CYTIP: variants seen among roughly 807,000 people sequenced by gnomAD.
The protein encoded by CYTIP is cytohesin 1 interacting protein, also known as cytohesin-interacting protein.
Under a neutral mutation model 43.8 loss-of-function variants are expected in CYTIP, and 26 were observed. That is an observed-to-expected ratio of 0.59 (90% CI 0.44 to 0.82). CYTIP has a LOEUF of 0.82. Among genes scored for constraint, CYTIP ranks in the 40% least tolerant of loss-of-function variants. The pLI, the probability that CYTIP is intolerant of heterozygous loss-of-function variation, is 0.00. For synonymous variants in CYTIP, 162 were observed against 162.9 expected (o/e 0.99, Z 0.04); for missense variants, 426 against 443.1 (o/e 0.96, Z 0.35).
chr2:157,426,499 T>C (rs903755816), intron 6 of CYTIP, among the ~76,000 whole-genome samples: 2 of 152,132 alleles, frequency 1.3e-5, no homozygotes, highest in African/African-American at 4.8e-5. Flanking sequence ...TAAAATCCAC[T>C]CTCTTGGGCT....
At position 157,427,310 on chromosome 2, in the gene CYTIP, C is replaced by G. The variant is rs1434703718; in HGVS notation, c.546+41G>C. ...ATCTTTATTTTACCACTCACACATTCAAGGATGAAAAATGTGCCTCACTGC... is the reference window on the plus strand; with the variant it reads ...ATCTTTATTTTACCACTCACACATTGAAGGATGAAAAATGTGCCTCACTGC... On this transcript the variant is annotated intron_variant, in intron 6 of 7. Coordinates refer to ENST00000264192, the MANE Select transcript of CYTIP (RefSeq NM_004288.5). The G allele has an allele frequency of 2.6e-6, 4 of 1,519,776 alleles. No homozygotes were observed. In the Admixed American group the frequency reaches 7.6e-5, roughly 29 times the overall value. 94.1% of individuals were successfully genotyped at this position (1,519,776 alleles called of 1,614,324 possible).
chr2:157,439,429 C>T (rs1685867752), intron 1 of CYTIP: 1 of 151,412 alleles, frequency 6.6e-6, no homozygotes, highest in Non-Finnish European at 1.5e-5. Context: ...TGAAGTGTGT[C>T]TAAGGTCTTA....
chr2:157,436,431 G>T (rs561159738), intron 1 of CYTIP, among the ~76,000 whole-genome samples: 1 of 151,860 alleles, frequency 6.6e-6, no homozygotes, highest in East Asian at 1.9e-4. Flanking sequence ...CTTGTTTTCC[G>T]CCCTTAAGCC....
chr2:157,419,363 A>T (rs1685485219), intron 6 of CYTIP, among the ~76,000 whole-genome samples: 1 of 152,216 alleles, frequency 6.6e-6, no homozygotes, highest in Non-Finnish European at 1.5e-5. Flanking sequence ...AGCGGGCTAA[A>T]CTTAGAACAC....
At chr2:157,430,686 G>C in intron 4 of CYTIP, 34 bp from the exon 5 acceptor site, 1 of 1,588,714 alleles carries the variant, frequency 6.3e-7, no homozygotes, top group Non-Finnish European at 8.6e-7. Flanking sequence ...GTGTTATGTT[G>C]GTTAGTTAAA....
At chr2:157,442,485 A>C (rs1330154434) in intron 1 of CYTIP, among the ~76,000 whole-genome samples, 1 of 152,146 alleles carries the variant, frequency 6.6e-6, no homozygotes, top group African/African-American at 2.4e-5. Flanking sequence ...AAAAAAAAAA[A>C]AAAATCATAG....
chr2:157,434,839 TC>T, intron 1 of CYTIP, 92 bp from the exon 2 acceptor site: 1 of 470,478 alleles, frequency 2.1e-6, no homozygotes, highest in Non-Finnish European at 4.1e-6. Context: ...TCTCTCTCTC[TC>T]TCTCTCTCTC....
chr2:157,443,120 C>A (rs1685943004), intron 1 of CYTIP, among the ~76,000 whole-genome samples: 1 of 152,088 alleles, frequency 6.6e-6, no homozygotes, highest in South Asian at 2.1e-4. Flanking sequence ...ATTAAAATGG[C>A]ATAATCTAGC....
chr2:157,418,382 G>T, intron 7 of CYTIP, 141 bp downstream of exon 7: 3 of 721,892 alleles, frequency 4.2e-6, no homozygotes, highest in Non-Finnish European at 6.5e-6. Flanking sequence ...CAAAGCTCAT[G>T]CCAAAGAAAC....
At chr2:157,432,932 T>C (rs1036428738) in intron 3 of CYTIP, among the ~76,000 whole-genome samples, 1 of 152,196 alleles carries the variant, frequency 6.6e-6, no homozygotes, top group African/African-American at 2.4e-5. Context: ...AACACCTACA[T>C]GCTGCCATTT....
intron 5 of CYTIP, among the ~76,000 whole-genome samples, chr2:157,429,180 C>T (rs1316035625): frequency 2.0e-5 from 3 of 152,168 alleles, no homozygotes; most frequent in South Asian, 2.1e-4. Context: ...AACTCTCTGG[C>T]TTCATTTCTT....
chr2:157,418,060 T>A (rs909401918), intron 7 of CYTIP, among the ~76,000 whole-genome samples: 5 of 152,222 alleles, frequency 3.3e-5, no homozygotes, highest in Non-Finnish European at 7.4e-5. Flanking sequence ...TTGGGGGCCA[T>A]GAAAAAGAAT....
chr2:157,424,514 T>C (rs1685572801), intron 6 of CYTIP, among the ~76,000 whole-genome samples: 1 of 151,428 alleles, frequency 6.6e-6, no homozygotes, highest in African/African-American at 2.4e-5. Flanking sequence ...TTTCCTCAAA[T>C]TGATATATAT....
chr2:157,435,503 T>C (rs1685796227), intron 1 of CYTIP, among the ~76,000 whole-genome samples: 1 of 152,212 alleles, frequency 6.6e-6, no homozygotes, highest in African/African-American at 2.4e-5. Flanking sequence ...TCTGCACTTT[T>C]GGAAAAGATC....
chr2:157,424,421 CT>C (rs1229966475), intron 6 of CYTIP, among the ~76,000 whole-genome samples: 4 of 151,954 alleles, frequency 2.6e-5, no homozygotes, highest in Admixed American at 6.5e-5. Flanking sequence ...AAAATTATAA[CT>C]TTATTAGAAA....
chr2:157,443,405 T>A (rs1210503892), intron 1 of CYTIP, among the ~76,000 whole-genome samples: 2 of 152,156 alleles, frequency 1.3e-5, no homozygotes, highest in Non-Finnish European at 2.9e-5. Context: ...TGAAGATAAT[T>A]AGTCAACAAA....
At position 157,430,854 on chromosome 2, in the gene CYTIP, A is replaced by G. The variant is rs1283854056; in HGVS notation, c.382+6T>C. 2 of 1,595,732 alleles carry G rather than the reference A, an allele frequency of 1.3e-6. No individual in the cohort carries two copies. Among genetic ancestry groups the G allele is most frequent in the Admixed American group, 3.7e-5 (2 of 54,282 alleles). On this transcript the variant is annotated splice_donor_region_variant and intron_variant, in intron 4 of 7. Coordinates refer to ENST00000264192, the MANE Select transcript of CYTIP (RefSeq NM_004288.5). ...GATTCCTAACATGAGCAAAAATTTAAGTTACCAGCTTGCAGGCCAGCACAG... is the reference window on the plus strand; with the variant it reads ...GATTCCTAACATGAGCAAAAATTTAGGTTACCAGCTTGCAGGCCAGCACAG...
At chr2:157,419,820 T>C (rs187479090) in intron 6 of CYTIP, among the ~76,000 whole-genome samples, 1 of 152,300 alleles carries the variant, frequency 6.6e-6, no homozygotes, top group African/African-American at 2.4e-5. Context: ...AATAATAAAA[T>C]TGCAAGAACG....
At chr2:157,437,934 A>G (rs1685839273) in intron 1 of CYTIP, among the ~76,000 whole-genome samples, 3 of 152,162 alleles carry the variant, frequency 2.0e-5, no homozygotes, top group African/African-American at 7.2e-5. Flanking sequence ...GGGAATGTAA[A>G]TTAGTACAGC....
Sources: gnomAD v4.1 joint callset for allele counts (sites outside exome capture counted in the v4.1 genomes callset) on GRCh38, gnomAD v4.1.1 for gene constraint, MANE v1.5 for transcripts, NCBI Gene and HGNC (gene_info 2026-07-23, HGNC 2026-07-21) for gene names.